UNC13C: variants seen among roughly 807,000 people sequenced by gnomAD.
UNC13C encodes the protein unc-13 homolog C.
Under a neutral mutation model 245.4 loss-of-function variants are expected in UNC13C, and 174 were observed. That is an observed-to-expected ratio of 0.71 (90% CI 0.63 to 0.80). The LOEUF is 0.80. UNC13C is among the 30% of genes least tolerant of loss of function. The pLI is 0.00. For synonymous variants in UNC13C, 992 were observed against 895.1 expected (o/e 1.11, Z -1.93); for missense variants, 2,829 against 2,602.9 (o/e 1.09, Z -1.89).
At chr15:54,090,128 G>T (rs566283744) in intron 2 of UNC13C, among the ~76,000 whole-genome samples, 1 of 152,302 alleles carries the variant, frequency 6.6e-6, no homozygotes, top group African/African-American at 2.4e-5. Context: ...ATAATTTTGT[G>T]CTTGCCAAAG....
At chr15:53,848,411 A>G in the UNC13C span, among the ~76,000 whole-genome samples, 1 of 152,156 alleles carries the variant, frequency 6.6e-6, no homozygotes, top group Admixed American at 6.5e-5. Flanking sequence ...TTAATTTCAA[A>G]TATGTATTTT....
intron 18 of UNC13C, among the ~76,000 whole-genome samples, chr15:54,401,026 C>G (rs963856803): frequency 2.0e-5 from 3 of 152,084 alleles, no homozygotes; most frequent in African/African-American, 7.2e-5. Context: ...GTTACCATTT[C>G]TTCAACATTT....
chr15:54,520,410 A>G (rs1337642956), intron 24 of UNC13C, among the ~76,000 whole-genome samples: 1 of 152,184 alleles, frequency 6.6e-6, no homozygotes, highest in African/African-American at 2.4e-5. Flanking sequence ...TGAAGCATGT[A>G]TGAGCCATCA....
chr15:53,939,632 A>G, the UNC13C span, among the ~76,000 whole-genome samples: 1 of 152,226 alleles, frequency 6.6e-6, no homozygotes, highest in Admixed American at 6.5e-5. Flanking sequence ...CAAAAAGCTT[A>G]TCCACCACAA....
chr15:54,489,078 T>A (rs1335170116), intron 19 of UNC13C, among the ~76,000 whole-genome samples: 1 of 152,196 alleles, frequency 6.6e-6, no homozygotes, highest in East Asian at 1.9e-4. Context: ...TTAGTTAGGA[T>A]ATAATTGTAG....
intron 19 of UNC13C, among the ~76,000 whole-genome samples, chr15:54,420,304 G>A (rs1177497294): frequency 6.6e-6 from 1 of 152,018 alleles, no homozygotes; most frequent in Non-Finnish European, 1.5e-5. Flanking sequence ...CTGTCAGCAG[G>A]AGACCTCAGT....
Position 54,015,003 on chromosome 15 carries a change from G to C in UNC13C, c.2100G>C (p.Lys700Asn). ...VYNKDLEYLG[K>N]CHSDLQDDSE... is the part of the protein sequence containing the mutation. Reference sequence around the variant, plus strand: ...ATAAAGACCTAGAATACTTGGGAAAGTGCCACAGTGATCTTCAAGATGACT... The same window carrying C: ...ATAAAGACCTAGAATACTTGGGAAACTGCCACAGTGATCTTCAAGATGACT... Residue 700 changes from lysine (K) to asparagine (N), a missense_variant, in exon 2 of 33, where the codon AAG becomes AAC. Transcript: ENST00000260323. 1 of 1,613,602 alleles carries C rather than the reference G, an allele frequency of 6.2e-7. No homozygotes were observed. Among genetic ancestry groups the C allele is most frequent in the Non-Finnish European group, 8.5e-7 (1 of 1,179,790 alleles).
chr15:54,142,308 G>C (rs1335088873), intron 2 of UNC13C, among the ~76,000 whole-genome samples: 1 of 152,118 alleles, frequency 6.6e-6, no homozygotes, highest in Non-Finnish European at 1.5e-5. Flanking sequence ...ACCCTTCACT[G>C]TTCTGTTCAG....
At chr15:54,530,135 T>C (rs1895668380) in intron 25 of UNC13C, among the ~76,000 whole-genome samples, 1 of 152,200 alleles carries the variant, frequency 6.6e-6, no homozygotes, top group South Asian at 2.1e-4. Flanking sequence ...TCAACACATA[T>C]TTCCTTTTTA....
chr15:54,491,923 C>T (rs1282008644), intron 19 of UNC13C, among the ~76,000 whole-genome samples: 2 of 147,972 alleles, frequency 1.4e-5, no homozygotes, highest in African/African-American at 2.5e-5. Context: ...ACCCGGGAGG[C>T]GGAGCTTGTA....
At chr15:54,054,277 A>G (rs1341246063) in intron 2 of UNC13C, among the ~76,000 whole-genome samples, 1 of 152,150 alleles carries the variant, frequency 6.6e-6, no homozygotes, top group Non-Finnish European at 1.5e-5. Context: ...CATGTACCAC[A>G]TAGATGGTTC....
At chr15:54,264,106 C>T in intron 8 of UNC13C, 62 bp from the exon 9 acceptor site, 1 of 1,494,052 alleles carries the variant, frequency 6.7e-7, no homozygotes, top group Non-Finnish European at 9.1e-7. Context: ...TTTCCTCCCT[C>T]CTTTAGCCAT....
At chr15:53,862,824 G>C in the UNC13C span, among the ~76,000 whole-genome samples, 1 of 152,058 alleles carries the variant, frequency 6.6e-6, no homozygotes, top group East Asian at 1.9e-4. Flanking sequence ...TCACTTTTTA[G>C]GTTAGGGCTC....
chr15:53,976,297 G>T (rs922324285), upstream of UNC13C, among the ~76,000 whole-genome samples: 1 of 152,042 alleles, frequency 6.6e-6, no homozygotes, highest in Non-Finnish European at 1.5e-5. Context: ...AAACACACAT[G>T]CTGGCATCGA....
At chr15:54,560,940 T>C (rs1389802430) in intron 29 of UNC13C, among the ~76,000 whole-genome samples, 1 of 152,042 alleles carries the variant, frequency 6.6e-6, no homozygotes, top group Non-Finnish European at 1.5e-5. Flanking sequence ...GCCTGATGAT[T>C]GGTTCATTTT....
chr15:54,205,936 T>G (rs925945635), intron 4 of UNC13C, among the ~76,000 whole-genome samples: 5 of 152,016 alleles, frequency 3.3e-5, no homozygotes, highest in African/African-American at 1.2e-4. Flanking sequence ...GGGATTACAT[T>G]CAGCACATCT....
intron 8 of UNC13C, among the ~76,000 whole-genome samples, chr15:54,260,686 AAAG>A (rs2140883923): frequency 6.7e-6 from 1 of 148,384 alleles, no homozygotes; most frequent in Admixed American, 6.8e-5. Flanking sequence ...TTTTATATAT[AAAG>A]AAGTTATATA....
At chr15:54,024,103 C>T (rs1896006832) in intron 2 of UNC13C, among the ~76,000 whole-genome samples, 1 of 152,074 alleles carries the variant, frequency 6.6e-6, no homozygotes, top group Admixed American at 6.6e-5. Context: ...TAGCTACATC[C>T]AGTGGGGCAA....
intron 13 of UNC13C, among the ~76,000 whole-genome samples, chr15:54,317,048 C>T (rs2038026288): frequency 6.6e-6 from 1 of 151,844 alleles, no homozygotes; most frequent in African/African-American, 2.4e-5. Context: ...GTACTCTGAC[C>T]AGATGGCTTG....
Sources: gnomAD v4.1 joint callset for allele counts (sites outside exome capture counted in the v4.1 genomes callset) on GRCh38, gnomAD v4.1.1 for gene constraint, MANE v1.5 for transcripts, NCBI Gene and HGNC (gene_info 2026-07-23, HGNC 2026-07-21) for gene names.